The following C8orf34 variants were observed in gnomAD, a reference collection of about 807,000 sequenced individuals.
The protein encoded by C8orf34 is uncharacterized protein C8orf34.
C8orf34 carries 65 observed loss-of-function variants against 68.3 expected under a neutral mutation model. The ratio of observed to expected loss-of-function variants is 0.95; its 90% CI spans 0.78 to 1.17. The LOEUF (loss-of-function observed/expected upper bound fraction) is 1.17, where lower values mean the gene tolerates loss of function less well. C8orf34 is among the 50% of genes most tolerant of loss of function. The pLI is 0.00. For missense variants in C8orf34, 664 were observed against 655.4 expected (o/e 1.01, Z -0.14); for synonymous variants, 244 against 241.2 (o/e 1.01, Z -0.11).
At chr8:68,381,498 C>T (rs886206070) in intron 1 of C8orf34, among the ~76,000 whole-genome samples, 1 of 150,572 alleles carries the variant, frequency 6.6e-6, no homozygotes, top group Non-Finnish European at 1.5e-5. Context: ...TTTGGGAGGC[C>T]GAGGCGGGTG....
intron 12 of C8orf34, among the ~76,000 whole-genome samples, chr8:68,798,686 A>G (rs900565743): frequency 6.6e-6 from 1 of 152,188 alleles, no homozygotes; most frequent in Non-Finnish European, 1.5e-5. Context: ...GTTGTAGAGA[A>G]TTATTTGGAT....
intron 2 of C8orf34, among the ~76,000 whole-genome samples, chr8:68,442,042 T>G (rs768716706): frequency 6.6e-6 from 1 of 152,074 alleles, no homozygotes; most frequent in East Asian, 1.9e-4. Context: ...CAGATAATAA[T>G]AAGAGTGAAA....
At chr8:68,359,935 A>G (rs754484307) in intron 1 of C8orf34, among the ~76,000 whole-genome samples, 6 of 152,174 alleles carry the variant, frequency 3.9e-5, no homozygotes, top group African/African-American at 9.7e-5. Context: ...AGCTGCCTTC[A>G]CAGCATGCCT....
At chr8:68,548,731 C>T (rs1309123947) in intron 7 of C8orf34, among the ~76,000 whole-genome samples, 1 of 151,708 alleles carries the variant, frequency 6.6e-6, no homozygotes, top group African/African-American at 2.4e-5. Context: ...CATAAGAAAA[C>T]AATTTTATTC....
At chr8:68,766,704 A>G (rs114738471) in intron 10 of C8orf34, among the ~76,000 whole-genome samples, 1,866 of 152,292 alleles carry the variant, frequency 0.012, 30 homozygotes, top group African/African-American at 0.039. Context: ...TTTCACTCTA[A>G]TTTTTTAAAA....
chr8:68,330,910 T>A, upstream of C8orf34: 1 of 982,008 alleles, frequency 1.0e-6, no homozygotes, highest in Non-Finnish European at 1.4e-6. Flanking sequence ...TGATTCCTGC[T>A]GCTGCCGCCC....
intron 8 of C8orf34, among the ~76,000 whole-genome samples, chr8:68,671,596 T>C (rs1451573423): frequency 1.3e-5 from 2 of 152,206 alleles, no homozygotes; most frequent in African/African-American, 2.4e-5. Context: ...ATTGCAATTG[T>C]CAGCACCACA....
At chr8:68,457,631 A>G (rs1408750828) in intron 3 of C8orf34, among the ~76,000 whole-genome samples, 1 of 152,176 alleles carries the variant, frequency 6.6e-6, no homozygotes, top group Non-Finnish European at 1.5e-5. Flanking sequence ...AGAATTGCTC[A>G]AAAATTAGCA....
chr8:68,433,059 A>G lies in C8orf34; in HGVS notation c.328-6440A>G, dbSNP rs147522723. Among the ~76,000 whole-genome samples the G allele has an allele frequency of 3.7e-3, 567 of 152,298 alleles. 4 individuals are homozygous for G. Among genetic ancestry groups the G allele is most frequent in the African/African-American group, 0.013 (552 of 41,572 alleles). ...CATTTTTGGAGGCAACCAAACATCA[A>G]GTGGATAATTTCTCATGTATTCATT... On this transcript the variant is annotated intron_variant, in intron 1 of 13. Transcript: ENST00000518698.
intron 10 of C8orf34, among the ~76,000 whole-genome samples, chr8:68,748,350 C>G (rs1213933454): frequency 6.8e-6 from 1 of 147,264 alleles, no homozygotes; most frequent in African/African-American, 2.6e-5. Context: ...TCTAAAACAC[C>G]AAAAGCAATG....
chr8:68,485,711 C>CAAAA (rs1290609373), intron 4 of C8orf34, among the ~76,000 whole-genome samples: 5 of 75,310 alleles, frequency 6.6e-5, no homozygotes, highest in East Asian at 2.0e-3. Flanking sequence ...GACTCTGTCT[C>CAAAA]AAAAAAAAAT....
intron 9 of C8orf34, among the ~76,000 whole-genome samples, chr8:68,709,472 C>T (rs527797572): frequency 7.2e-5 from 11 of 152,256 alleles, no homozygotes; most frequent in South Asian, 2.1e-4. Flanking sequence ...CCCATTCTCA[C>T]GTCATTGATC....
chr8:68,553,114 G>T (rs1816129427), intron 7 of C8orf34, among the ~76,000 whole-genome samples: 1 of 151,998 alleles, frequency 6.6e-6, no homozygotes, highest in African/African-American at 2.4e-5. Flanking sequence ...GGCCAGGCAT[G>T]GTGGCTCACA....
chr8:68,561,707 A>C (rs1816433793), intron 7 of C8orf34, among the ~76,000 whole-genome samples: 1 of 152,178 alleles, frequency 6.6e-6, no homozygotes, highest in Non-Finnish European at 1.5e-5. Flanking sequence ...GCAGTGAGCC[A>C]AGACTGCGAC....
intron 8 of C8orf34, among the ~76,000 whole-genome samples, chr8:68,640,763 G>A (rs1039696456): frequency 1.3e-5 from 2 of 152,150 alleles, no homozygotes; most frequent in African/African-American, 4.8e-5. Flanking sequence ...TTCTGTCTCT[G>A]AATTTCATTC....
intron 8 of C8orf34, among the ~76,000 whole-genome samples, chr8:68,696,554 A>T (rs1009531256): frequency 2.0e-5 from 3 of 151,666 alleles, no homozygotes; most frequent in African/African-American, 7.3e-5. Flanking sequence ...AGAGATACAA[A>T]ATCTAATGAA....
At chr8:68,373,057 G>A (rs771769395) in intron 1 of C8orf34, among the ~76,000 whole-genome samples, 4 of 152,082 alleles carry the variant, frequency 2.6e-5, no homozygotes, top group African/African-American at 7.2e-5. Flanking sequence ...GTGCAATGGC[G>A]CAATCTCAGC....
At position 68,521,818 on chromosome 8, in the gene C8orf34, C is replaced by T. The variant is rs150489120; in HGVS notation, c.785C>T (p.Ser262Phe). ...ELDKETVTFN[S>F]SLLRPRVIGE... is the part of the protein sequence containing the mutation. ...CTTCAGGAAACAGTGACATTTAATT[C>T]TTCTCTTCTGAGGCCCCGTGTGATT... Residue 262 changes from serine (S) to phenylalanine (F), a missense_variant, in exon 6 of 14, where the codon TCT becomes TTT. Coordinates refer to ENST00000518698, the MANE Select transcript of C8orf34 (RefSeq NM_052958.4). 94 of 1,613,200 alleles carry T rather than the reference C, an allele frequency of 5.8e-5. No individual in the cohort carries two copies. The highest frequency in any genetic ancestry group is 7.4e-5 in the Non-Finnish European group (87 of 1,179,658).
At chr8:68,762,716 A>C (rs575698268) in intron 10 of C8orf34, among the ~76,000 whole-genome samples, 1 of 152,342 alleles carries the variant, frequency 6.6e-6, no homozygotes, top group South Asian at 2.1e-4. Context: ...AATAGAAGAT[A>C]TCCTCTTACT....
Sources: gnomAD v4.1 joint callset for allele counts (sites outside exome capture counted in the v4.1 genomes callset) on GRCh38, gnomAD v4.1.1 for gene constraint, MANE v1.5 for transcripts, NCBI Gene and HGNC (gene_info 2026-07-23, HGNC 2026-07-21) for gene names.